Variants in MCMBP observed in about 807,000 individuals in gnomAD.
MCMBP encodes the protein minichromosome maintenance complex binding protein.
A neutral mutation model predicts 81.3 loss-of-function variants in MCMBP; 31 were observed. The ratio of observed to expected loss-of-function variants is 0.38; its 90% confidence interval spans 0.29 to 0.51. The LOEUF is 0.51. Among genes scored for constraint, MCMBP ranks in the 20% least tolerant of loss-of-function variants. The pLI is 0.87. For synonymous variants in MCMBP, 267 were observed against 275.9 expected, an observed-to-expected ratio of 0.97 and a Z score of 0.32; for missense variants, 645 against 772.1, an observed-to-expected ratio of 0.84 and a Z score of 1.95.
chr10:119,831,614 CAG>C lies in MCMBP; in HGVS notation c.1797-16_1797-15del. On this transcript the variant is annotated splice_polypyrimidine_tract_variant and intron_variant, in intron 15 of 15. Transcript: ENST00000369077. ...AGAGACAGACACCTGGTTTGAAACA[CAG>C]AAACAAATTTAAGTCTAGAGCTGGG... 6.2e-7 allele frequency: 1 copy of C among 1,607,782 alleles called. No individual in the cohort carries two copies. Among genetic ancestry groups the C allele is most frequent in the Non-Finnish European group, 8.5e-7 (1 of 1,178,476 alleles).
Position 119,853,025 on chromosome 10 carries a change from G to C in MCMBP, c.574+25C>G, listed in dbSNP as rs199573866. 32 of 1,613,072 alleles carry C rather than the reference G, an allele frequency of 2.0e-5. No individual in the cohort carries two copies. In the East Asian group the frequency reaches 6.0e-4, roughly 30 times the overall value. On this transcript the variant is annotated intron_variant, in intron 6 of 15. Transcript: ENST00000369077. ...ATCTACTGTAAGAGAGCAAAGTCTA[G>C]AGAAAACCTGTTGGCACACACTACC...
intron 14 of MCMBP, 120 bp downstream of exon 14, chr10:119,835,420 A>T (rs1157212618): frequency 2.2e-6 from 2 of 910,574 alleles, no homozygotes; most frequent in Non-Finnish European, 3.3e-6. Context: ...ACAGAGGAAT[A>T]AAAAAAGACA....
At chr10:119,851,495 G>C (rs1317823214) in intron 6 of MCMBP, among the ~76,000 whole-genome samples, 2 of 152,074 alleles carry the variant, frequency 1.3e-5, no homozygotes, top group African/African-American at 4.8e-5. Flanking sequence ...GCAATGGCAT[G>C]ATCTCAGCTC....
At chr10:119,837,190 T>G (rs2134342867) in intron 12 of MCMBP, among the ~76,000 whole-genome samples, 161 bp from the exon 13 acceptor site, 1 of 152,272 alleles carries the variant, frequency 6.6e-6, no homozygotes, top group South Asian at 2.1e-4. Flanking sequence ...GTGTGTAGGC[T>G]TACAACAGTC....
intron 1 of MCMBP, among the ~76,000 whole-genome samples, chr10:119,863,854 T>TGA (rs759065364): frequency 6.2e-5 from 9 of 145,970 alleles, no homozygotes; most frequent in Non-Finnish European, 8.9e-5. Context: ...TCTACTTGGG[T>TGA]GAGTTTGGAT....
chr10:119,860,590 A>G (rs1853220065), intron 1 of MCMBP, among the ~76,000 whole-genome samples: 1 of 152,094 alleles, frequency 6.6e-6, no homozygotes, highest in African/African-American at 2.4e-5. Flanking sequence ...CCTCTATAGC[A>G]CTTTTTTCCG....
In MCMBP at chr10:119,857,321, GT is replaced by G. The variant is rs1284704030; in HGVS notation, c.429+16del. 1 of 1,554,026 alleles carries G rather than the reference GT, an allele frequency of 6.4e-7. No homozygotes were observed. Among genetic ancestry groups the G allele is most frequent in the East Asian group, 2.3e-5 (1 of 44,428 alleles). On this transcript the variant is annotated intron_variant, in intron 5 of 15. Coordinates refer to ENST00000369077, the MANE Select transcript of MCMBP (RefSeq NM_001256378.2). ...TAGAAACCATCAACACAGTAAGAAA[GT>G]TCAGATAAAGGATATTTCTTTTACC...
chr10:119,872,469 C>T (rs1853722394), intron 1 of MCMBP, 58 bp downstream of exon 1: 6 of 1,078,018 alleles, frequency 5.6e-6, no homozygotes, highest in Non-Finnish European at 7.0e-6. Context: ...GGGGCCCTGC[C>T]CCGGGGCCCG....
At chr10:119,853,543 A>G (rs967073355) in intron 5 of MCMBP, among the ~76,000 whole-genome samples, 14 of 152,226 alleles carry the variant, frequency 9.2e-5, no homozygotes, top group African/African-American at 3.4e-4. Flanking sequence ...CCAAACTGCA[A>G]CAAAGAGCAG....
At chr10:119,843,115 G>T in intron 9 of MCMBP, 139 bp downstream of exon 9, 1 of 935,560 alleles carries the variant, frequency 1.1e-6, no homozygotes, top group Non-Finnish European at 1.7e-6. Context: ...ATGGGGCAAC[G>T]AGAGAGAGAT....
intron 11 of MCMBP, among the ~76,000 whole-genome samples, chr10:119,840,530 T>C (rs1039669947): frequency 6.6e-6 from 1 of 152,220 alleles, no homozygotes; most frequent in Non-Finnish European, 1.5e-5. Flanking sequence ...TTAGAGTTTA[T>C]TTAGATTTAA....
intron 1 of MCMBP, among the ~76,000 whole-genome samples, chr10:119,862,080 G>A (rs1378371270): frequency 4.6e-5 from 7 of 152,168 alleles, no homozygotes. Context: ...GCCAAGGCAG[G>A]CGGATCACCT....
intron 1 of MCMBP, among the ~76,000 whole-genome samples, chr10:119,863,219 C>G (rs916053287): frequency 6.6e-6 from 1 of 152,104 alleles, no homozygotes; most frequent in Non-Finnish European, 1.5e-5. Flanking sequence ...GTCTTAAGAA[C>G]TCATTGCCAA....
intron 9 of MCMBP, 177 bp from the exon 10 acceptor site, chr10:119,842,772 T>C (rs1296704513): frequency 1.6e-6 from 1 of 638,426 alleles, no homozygotes; most frequent in Non-Finnish European, 2.4e-6. Context: ...TCCTCCTTTT[T>C]TTTTTTTTTG....
At chr10:119,842,077 C>T (rs1416956555) in intron 10 of MCMBP, among the ~76,000 whole-genome samples, 1 of 152,132 alleles carries the variant, frequency 6.6e-6, no homozygotes, top group African/African-American at 2.4e-5. Context: ...GGAGCGCGAA[C>T]CCTATTGTGA....
intron 1 of MCMBP, among the ~76,000 whole-genome samples, chr10:119,868,726 G>A (rs916181248): frequency 3.9e-5 from 6 of 152,164 alleles, no homozygotes; most frequent in African/African-American, 1.2e-4. Flanking sequence ...GTAACATGGA[G>A]CAGGGGTACC....
At chr10:119,873,342 G>T (rs1853783651), upstream of MCMBP, 1 of 152,190 alleles carries the variant, frequency 6.6e-6, no homozygotes, top group Admixed American at 6.5e-5. Flanking sequence ...CCCTGAGGAA[G>T]GTGCACATTT....
At chr10:119,846,344 T>C (rs572479559) in intron 8 of MCMBP, among the ~76,000 whole-genome samples, 2 of 152,302 alleles carry the variant, frequency 1.3e-5, no homozygotes, top group South Asian at 4.1e-4. Flanking sequence ...ATTACTTGAA[T>C]AAACAAATGG....
At chr10:119,865,445 A>T (rs1010913491) in intron 1 of MCMBP, among the ~76,000 whole-genome samples, 1 of 152,200 alleles carries the variant, frequency 6.6e-6, no homozygotes, top group Admixed American at 6.5e-5. Context: ...TACAAAAGTT[A>T]GCTGGGCTTG....
Sources: gnomAD v4.1 joint callset for allele counts (sites outside exome capture counted in the v4.1 genomes callset) on GRCh38, gnomAD v4.1.1 for gene constraint, MANE v1.5 for transcripts, NCBI Gene and HGNC (gene_info 2026-07-23, HGNC 2026-07-21) for gene names.